The following LILRB4 variants were observed in gnomAD, a reference collection of about 807,000 sequenced individuals.
LILRB4 encodes the protein leukocyte immunoglobulin like receptor B4, also known as leukocyte immunoglobulin-like receptor subfamily B member 4.
LILRB4 carries 49 observed loss-of-function variants against 55.2 expected under a neutral mutation model. That is an observed-to-expected ratio of 0.89 (90% CI 0.71 to 1.13). The LOEUF (loss-of-function observed/expected upper bound fraction) is 1.13, where lower values mean the gene tolerates loss of function less well. Ranked by LOEUF, LILRB4 falls within the 50% of genes most tolerant of loss-of-function variation. The pLI, the probability that LILRB4 is intolerant of heterozygous loss-of-function variation, is 0.00. For missense variants in LILRB4, 590 were observed against 555.2 expected, an observed-to-expected ratio of 1.06 and a Z score of -0.63; for synonymous variants, 229 against 213.8, an observed-to-expected ratio of 1.07 and a Z score of -0.62.
In LILRB4 at chr19:54,665,394, C is replaced by T. The variant is rs1198868007; in HGVS notation, c.757+214C>T. ...GCTGTGCCCTCCTGGGAGAGGAGGC[C>T]TCCCAGGGAACCTCCCAGACCCGAT... On this transcript the variant is annotated intron_variant, in intron 6 of 11. Coordinates refer to ENST00000430952, the Ensembl canonical transcript of LILRB4. The surrounding 1 kb of genome is among the most constrained non-coding windows in gnomAD (Gnocchi z 5.5). 6.6e-6 allele frequency among the ~76,000 whole-genome samples: 1 copy of T among 151,996 alleles called. No individual in the cohort carries two copies. The highest frequency in any genetic ancestry group is 1.9e-4 in the East Asian group (1 of 5,166).
intron 10 of LILRB4, chr19:54,667,224 G>A (rs1200142929): frequency 3.5e-6 from 2 of 567,842 alleles, no homozygotes; most frequent in Non-Finnish European, 3.4e-6. Context: ...GTGCTGTAAG[G>A]AACATAAACC....
rs777008648 is a variant in LILRB4 at position 54,667,892 on chromosome 19, C to T, written c.1217C>T (p.Pro406Leu). The change falls in exon 12 of 12, where the codon CCC (proline) becomes CTC (leucine). Residue 406 changes from proline to leucine, a missense_variant. Physicochemically the swap from Pro to Leu is moderately conservative, Grantham distance 98. Transcript: ENST00000430952. ...CTGCAGGCTGCTGCATCTGAAGCCC[C>T]CCAGGATGTGACCTACGCCCGGCTG... The T allele has an allele frequency of 1.2e-5, 19 of 1,612,660 alleles. No homozygotes were observed. In the East Asian group the frequency reaches 4.0e-4, roughly 34 times the overall value.
chr19:54,664,773 C>T (rs372551435), intron 4 of LILRB4, 26 bp from the exon 5 acceptor site: 4 of 1,537,308 alleles, frequency 2.6e-6, no homozygotes, highest in Non-Finnish European at 3.5e-6. Flanking sequence ...CCCAGACTCT[C>T]ACCCTCCTCT....
chr19:54,668,007 G>T (rs770624684), exon 12 of LILRB4: 211 of 1,613,958 alleles, frequency 1.3e-4, no homozygotes, highest in Non-Finnish European at 1.7e-4. Flanking sequence ...ATGCCACTCT[G>T]GCCATCCACT....
At chr19:54,667,688 C>T (rs763501780) in exon 11 of LILRB4, 16 of 1,611,198 alleles carry the variant, frequency 9.9e-6, no homozygotes, top group East Asian at 2.2e-5. Flanking sequence ...AGGTGAAACA[C>T]TCCAGACCTA....
In LILRB4 at chr19:54,666,456, G is replaced by A. The variant is rs766427791; in HGVS notation, c.988+20G>A. 2 of 1,613,794 alleles carry A rather than the reference G, an allele frequency of 1.2e-6. No homozygotes were observed. Among genetic ancestry groups the A allele is most frequent in the African/African-American group, 2.7e-5 (2 of 74,946 alleles). ...ACTTCTGTGAGTGAGAGGCAGAGAAGGTGCACCTGGGGTGGAGCTGGGGGT... is the reference window on the plus strand; with the variant it reads ...ACTTCTGTGAGTGAGAGGCAGAGAAAGTGCACCTGGGGTGGAGCTGGGGGT... On this transcript the variant is annotated intron_variant, in intron 9 of 11. Coordinates refer to ENST00000430952, the Ensembl canonical transcript of LILRB4. This position sits in a 1 kb window ranked among gnomAD's most constrained non-coding sequence, Gnocchi z 4.8.
intron 1 of LILRB4, 87 bp from the exon 2 acceptor site, chr19:54,663,443 CAA>C (rs61542200): frequency 0.012 from 11,338 of 938,990 alleles, no homozygotes; most frequent in Middle Eastern, 0.019. Context: ...GACTCCGTCT[CAA>C]AAAAAAAAAA....
chr19:54,666,670 G>C lies in LILRB4; in HGVS notation c.989-27G>C. ...GAGGTCCCAGGGAACCTTCCCAGGA[G>C]ATGAACCCCTTGCTCTACCCCAGCA... On this transcript the variant is annotated intron_variant, in intron 9 of 11. Coordinates refer to ENST00000430952, the Ensembl canonical transcript of LILRB4. The surrounding 1 kb of genome is among the most constrained non-coding windows in gnomAD (Gnocchi z 4.8). 1 of 1,612,528 alleles carries C rather than the reference G, an allele frequency of 6.2e-7. No homozygotes were observed. The highest frequency in any genetic ancestry group is 8.5e-7 in the Non-Finnish European group (1 of 1,178,848).
At chr19:54,667,926 T>G (rs149600113) in exon 12 of LILRB4, 230 of 1,613,424 alleles carry the variant, frequency 1.4e-4, no homozygotes, top group African/African-American at 5.1e-4. Context: ...TGCACAGCTT[T>G]ACCCTCAGAC....
exon 12 of LILRB4, chr19:54,668,051 G>T: frequency 6.2e-7 from 1 of 1,612,924 alleles, no homozygotes; most frequent in Non-Finnish European, 8.5e-7. Context: ...ACAAGCCATG[G>T]AGACTCAGGA....
rs139028841 is a variant in LILRB4, at chr19:54,667,795, T to A, written c.1197+2T>A. On this transcript the variant is annotated splice_donor_variant, in intron 11 of 11. Transcript: ENST00000430952. LOFTEE classifies it high-confidence loss of function. ...GAGGACAGACAGATGGACACTGAGG[T>A]GAGTCCTTTCCTCTCCAGGCCCCCA... 20,134 of 1,553,382 alleles carry A rather than the reference T, an allele frequency of 0.013. 404 individuals are homozygous for A. The highest frequency in any genetic ancestry group is 0.059 in the African/African-American group (3,984 of 67,406).
In LILRB4 at chr19:54,665,975, C is replaced by T; in HGVS notation, c.874+44C>T. On this transcript the variant is annotated intron_variant, in intron 7 of 11. Transcript: ENST00000430952. This position sits in a 1 kb window ranked among gnomAD's most constrained non-coding sequence, Gnocchi z 5.5. ...GACCCGTGGGCTGATGGAGGGTGGG[C>T]TCAGGGCACCAGCCAAAGGGACTCC... 6.2e-7 allele frequency: 1 copy of T among 1,612,438 alleles called. No individual in the cohort carries two copies.
At chr19:54,667,201 C>T in intron 10 of LILRB4, 2 of 558,128 alleles carry the variant, frequency 3.6e-6, no homozygotes, top group Non-Finnish European at 7.0e-6. Flanking sequence ...TGCATCGTGT[C>T]CAGGAGTGCA....
In LILRB4 at chr19:54,664,053, A is replaced by T. The variant is rs1303487609; in HGVS notation, c.355+15A>T. 5 of 1,607,972 alleles carry T rather than the reference A, an allele frequency of 3.1e-6. No homozygotes were observed. Among genetic ancestry groups the T allele is most frequent in the Non-Finnish European group, 1.7e-6 (2 of 1,177,524 alleles). ...GGTGATGACAGGTGAGAGGACACTC[A>T]GGGGTCCCAGCCCCAGGCTCTGCCC... On this transcript the variant is annotated intron_variant, in intron 3 of 11. Transcript: ENST00000430952.
Position 54,666,614 on chromosome 19 carries a change from A to G in LILRB4, c.989-83A>G, listed in dbSNP as rs887464714. The stretch of plus-strand genomic sequence containing the variant: ...CCCTCCCTGCGTTGCAGTGGCACTA[A>G]TGGGAACAGGGCAGGGACCAGCAGG... On this transcript the variant is annotated intron_variant, in intron 9 of 11. Transcript: ENST00000430952. The surrounding 1 kb of genome is among the most constrained non-coding windows in gnomAD (Gnocchi z 4.8). 4.0e-6 allele frequency: 6 copies of G among 1,506,172 alleles called. No homozygotes were observed. The African/African-American group carries it at 4.1e-5, about 10-fold the overall frequency. 93.3% of individuals were successfully genotyped at this position (1,506,172 alleles called of 1,614,324 possible). A position where few individuals can be genotyped will look rare whatever the true frequency, so the allele number is the denominator to read the frequency against.
exon 12 of LILRB4, chr19:54,667,954 C>T (rs772873532): frequency 3.1e-6 from 5 of 1,613,846 alleles, no homozygotes; most frequent in African/African-American, 1.3e-5. Flanking sequence ...AACTGAGCCT[C>T]CTCCATCCCA....
At chr19:54,663,154 A>C in intron 1 of LILRB4, 87 bp downstream of exon 1, 1 of 1,485,502 alleles carries the variant, frequency 6.7e-7, no homozygotes, top group South Asian at 1.3e-5. Flanking sequence ...GAGACTCAAA[A>C]ATCTCAGGGT....
rs923312580 is a variant in LILRB4 at position 54,666,043 on chromosome 19, C to T, written c.874+112C>T. On this transcript the variant is annotated intron_variant, in intron 7 of 11. Coordinates refer to ENST00000430952, the Ensembl canonical transcript of LILRB4. The surrounding 1 kb of genome is among the most constrained non-coding windows in gnomAD (Gnocchi z 4.8). ...TTAGAAACTCTGCTCCAGAAATTCCCAGTGAGAAAATCTAGAAAGAAGAAA... is the reference window on the plus strand; with the variant it reads ...TTAGAAACTCTGCTCCAGAAATTCCTAGTGAGAAAATCTAGAAAGAAGAAA... 1.4e-6 allele frequency: 2 copies of T among 1,430,300 alleles called. No individual in the cohort carries two copies. The highest frequency in any genetic ancestry group is 4.2e-5 in the Admixed American group (2 of 47,274). The allele number at this position is 1,430,300 out of a possible 1,614,324, so 88.6% of individuals were successfully genotyped here.
exon 5 of LILRB4, chr19:54,664,825 C>T (rs1377995948): frequency 6.2e-7 from 1 of 1,608,632 alleles, no homozygotes; most frequent in Admixed American, 1.7e-5. Context: ...CAGGCCCTCA[C>T]CCACAAGGTC....
Sources: allele counts gnomAD v4.1 joint callset (sites outside exome capture counted in the v4.1 genomes callset), GRCh38; gene constraint gnomAD v4.1.1; non-coding constraint Gnocchi (gnomAD v3.1); transcripts MANE v1.5; gene names NCBI Gene and HGNC (gene_info 2026-07-23, HGNC 2026-07-21).